Variants in NRG3 observed in about 807,000 individuals in gnomAD.
NRG3 encodes the protein neuregulin 3, also known as pro-neuregulin-3, membrane-bound isoform.
A neutral mutation model predicts 66.9 loss-of-function variants in NRG3; 31 were observed. That is an observed-to-expected ratio of 0.46 (90% CI 0.35 to 0.63). The LOEUF (loss-of-function observed/expected upper bound fraction) is 0.63, where lower values mean the gene tolerates loss of function less well. Among genes scored for constraint, NRG3 ranks in the 20% least tolerant of loss-of-function variants. The pLI is 0.00. For missense variants in NRG3, 910 were observed against 878.9 expected, an observed-to-expected ratio of 1.04 and a Z score of -0.45; for synonymous variants, 393 against 359.4, an observed-to-expected ratio of 1.09 and a Z score of -1.06.
At chr10:82,614,244 G>A (rs1258813615) in intron 2 of NRG3, among the ~76,000 whole-genome samples, 1 of 152,144 alleles carries the variant, frequency 6.6e-6, no homozygotes, top group Non-Finnish European at 1.5e-5. Flanking sequence ...ACTTTGTTGA[G>A]CACTCATATT....
chr10:82,354,014 CTTT>C (rs869307444), intron 1 of NRG3, among the ~76,000 whole-genome samples: 32 of 112,598 alleles, frequency 2.8e-4, no homozygotes, highest in African/African-American at 1.1e-3. Context: ...CACTATAACA[CTTT>C]TTTTTTTTTT....
intron 1 of NRG3, among the ~76,000 whole-genome samples, chr10:81,916,681 GA>G (rs1447036672): frequency 3.3e-5 from 5 of 152,184 alleles, no homozygotes; most frequent in Non-Finnish European, 7.4e-5. Flanking sequence ...AGGTGGCTAT[GA>G]GCACAAACTC....
intron 1 of NRG3, among the ~76,000 whole-genome samples, chr10:81,974,350 A>G (rs1336019290): frequency 6.6e-6 from 1 of 152,154 alleles, no homozygotes; most frequent in African/African-American, 2.4e-5. Flanking sequence ...CATACAGAGG[A>G]AAAATACAAG....
At chr10:82,543,289 C>G (rs895420085) in intron 2 of NRG3, among the ~76,000 whole-genome samples, 1 of 151,972 alleles carries the variant, frequency 6.6e-6, no homozygotes, top group African/African-American at 2.4e-5. Context: ...ATATTAATGC[C>G]CTAATTTTGT....
In NRG3 at chr10:82,075,118, T is replaced by C. The variant is rs1050405163; in HGVS notation, c.823+198955T>C. Among the ~76,000 whole-genome samples the C allele has an allele frequency of 3.9e-5, 6 of 152,184 alleles. No homozygotes were observed. In the South Asian group the frequency reaches 8.3e-4, roughly 21 times the overall value. On this transcript the variant is annotated intron_variant, in intron 1 of 8. Transcript: ENST00000372141. Reference sequence around the variant, plus strand: ...TGTTTTGATTTGCATGGTTTGAACTTCAAGATCTTTTCTTACACTGCTTAG... The same window carrying C: ...TGTTTTGATTTGCATGGTTTGAACTCCAAGATCTTTTCTTACACTGCTTAG...
chr10:82,903,065 A>G (rs1384747354), intron 4 of NRG3, among the ~76,000 whole-genome samples: 2 of 152,154 alleles, frequency 1.3e-5, no homozygotes, highest in Non-Finnish European at 2.9e-5. Flanking sequence ...AATTTACTAT[A>G]AAAAGTTAAA....
At chr10:82,933,638 C>T (rs2132186988) in intron 4 of NRG3, among the ~76,000 whole-genome samples, 1 of 152,220 alleles carries the variant, frequency 6.6e-6, no homozygotes, top group Non-Finnish European at 1.5e-5. Context: ...CATCAGGGAA[C>T]CCAATAAATG....
chr10:82,293,867 T>C (rs2079886377), intron 1 of NRG3, among the ~76,000 whole-genome samples: 1 of 152,184 alleles, frequency 6.6e-6, no homozygotes, highest in South Asian at 2.1e-4. Context: ...AAAAGACTTC[T>C]ATTTCTGGAA....
chr10:82,862,996 G>A (rs1259693223), intron 3 of NRG3, among the ~76,000 whole-genome samples: 1 of 152,044 alleles, frequency 6.6e-6, no homozygotes, highest in African/African-American at 2.4e-5. Flanking sequence ...TTGTCCTAAT[G>A]CTCTCCCTCC....
At chr10:81,986,563 C>A (rs896137904) in intron 1 of NRG3, among the ~76,000 whole-genome samples, 1 of 151,906 alleles carries the variant, frequency 6.6e-6, no homozygotes, top group Non-Finnish European at 1.5e-5. Flanking sequence ...GCAAATAAAA[C>A]CTTAAAACTT....
At chr10:82,253,671 C>A (rs867070676) in intron 1 of NRG3, among the ~76,000 whole-genome samples, 3 of 152,216 alleles carry the variant, frequency 2.0e-5, no homozygotes, top group Non-Finnish European at 4.4e-5. Context: ...TCATTCACCA[C>A]ACATAAGTCA....
At chr10:82,444,356 G>A (rs2136480432) in intron 2 of NRG3, among the ~76,000 whole-genome samples, 1 of 152,094 alleles carries the variant, frequency 6.6e-6, no homozygotes, top group East Asian at 1.9e-4. Context: ...ACCCACCTTG[G>A]CCTCCCAAAG....
At chr10:82,808,735 A>G (rs1251075774) in intron 3 of NRG3, among the ~76,000 whole-genome samples, 1 of 152,218 alleles carries the variant, frequency 6.6e-6, no homozygotes, top group Non-Finnish European at 1.5e-5. Flanking sequence ...TAATCTCAAA[A>G]TTATGAATTT....
intron 4 of NRG3, among the ~76,000 whole-genome samples, chr10:82,909,556 G>T (rs936048924): frequency 6.6e-6 from 1 of 152,130 alleles, no homozygotes; most frequent in African/African-American, 2.4e-5. Flanking sequence ...TATTTTCTGT[G>T]CACACCTAGA....
intron 1 of NRG3, among the ~76,000 whole-genome samples, chr10:82,305,560 CT>C (rs935223502): frequency 6.6e-6 from 1 of 151,900 alleles, no homozygotes. Flanking sequence ...ACTCAGACTC[CT>C]TTGGTTTCAA....
chr10:82,741,389 G>A (rs2058416802), intron 3 of NRG3, among the ~76,000 whole-genome samples: 1 of 152,124 alleles, frequency 6.6e-6, no homozygotes, highest in Non-Finnish European at 1.5e-5. Flanking sequence ...ATTTGATTCG[G>A]CTTCCAGGCC....
At chr10:81,890,142 G>A (rs576423543) in intron 1 of NRG3, among the ~76,000 whole-genome samples, 8 of 152,278 alleles carry the variant, frequency 5.3e-5, no homozygotes, top group African/African-American at 1.9e-4. Context: ...GTGAGCCACA[G>A]TCCTTCTGCC....
chr10:82,541,509 G>A (rs1020588776), intron 2 of NRG3, among the ~76,000 whole-genome samples: 2 of 152,080 alleles, frequency 1.3e-5, no homozygotes, highest in African/African-American at 2.4e-5. Flanking sequence ...CAAGCAGGGG[G>A]TACGTGACTG....
At chr10:82,982,942 T>C (rs1254137388) in intron 8 of NRG3, among the ~76,000 whole-genome samples, 2 of 152,224 alleles carry the variant, frequency 1.3e-5, no homozygotes, top group Non-Finnish European at 2.9e-5. Context: ...CTTTAGTCAG[T>C]CCTCTGGCAT....
Sources: allele counts gnomAD v4.1 joint callset (sites outside exome capture counted in the v4.1 genomes callset), GRCh38; gene constraint gnomAD v4.1.1; transcripts MANE v1.5; gene names NCBI Gene and HGNC (gene_info 2026-07-23, HGNC 2026-07-21).